The following ERO1A variants were observed in gnomAD, a reference collection of about 807,000 sequenced individuals.
ERO1A encodes ERO1-like protein alpha.
A neutral mutation model predicts 76.9 loss-of-function variants in ERO1A; 49 were observed. That is an observed-to-expected ratio of 0.64 (90% confidence interval 0.51 to 0.81). The LOEUF (loss-of-function observed/expected upper bound fraction) is 0.81, where lower values mean the gene tolerates loss of function less well. ERO1A is among the 30% of genes least tolerant of loss of function. ERO1A has a pLI of 0.00. For synonymous variants in ERO1A, 174 were observed against 181.2 expected (o/e 0.96, Z 0.32); for missense variants, 448 against 542.1 (o/e 0.83, Z 1.72).
In ERO1A at chr14:52,653,099, A is replaced by C; in HGVS notation, c.1025T>G (p.Met342Arg). The change falls in exon 12 of 16, where the codon ATG becomes AGG. Residue 342 changes from methionine (M) to arginine (R), a missense_variant. Physicochemically the swap from Met to Arg is moderately conservative, Grantham distance 91. Transcript: ENST00000395686. ...GNKIQDEENK[M>R]LLLEILHEIK... is the part of the protein sequence containing the mutation. ...TTCATGAAGTATTTCCAGAAGTAAC[A>C]TTTTGTTTTCCTCATCCTGAATTTT... 1 of 1,560,712 alleles carries C rather than the reference A, an allele frequency of 6.4e-7. No individual in the cohort carries two copies. Among genetic ancestry groups the C allele is most frequent in the South Asian group, 1.1e-5 (1 of 89,830 alleles).
Position 52,642,461 on chromosome 14 carries a change from G to A in ERO1A, c.*1109C>T, listed in dbSNP as rs2039508108. Reference sequence around the variant, plus strand: ...AAAACTCAAAAAGAACTTTAGATTGGAACTTGAAAGTATTATTTATTCTAA... The same window carrying A: ...AAAACTCAAAAAGAACTTTAGATTGAAACTTGAAAGTATTATTTATTCTAA... On this transcript the variant is annotated 3_prime_UTR_variant, in exon 16 of 16. Transcript: ENST00000395686. 6.6e-6 allele frequency: 1 copy of A among 152,034 alleles called. No individual in the cohort carries two copies. The highest frequency in any genetic ancestry group is 2.4e-5 in the African/African-American group (1 of 41,396). 9.4% of individuals were successfully genotyped at this position (152,034 alleles called of 1,614,324 possible). A position where few individuals can be genotyped will look rare whatever the true frequency, so the allele number is the denominator to read the frequency against.
chr14:52,669,628 G>C (rs2040530758), intron 6 of ERO1A, among the ~76,000 whole-genome samples: 1 of 152,112 alleles, frequency 6.6e-6, no homozygotes, highest in Non-Finnish European at 1.5e-5. Context: ...ACCTGGGGGA[G>C]CAATCTTTAT....
Position 52,646,261 on chromosome 14 carries a change from C to A in ERO1A, c.1239G>T (p.Lys413Asn), listed in dbSNP as rs1343785173. Reference sequence around the variant, plus strand: ...CTATCAATTTCTCAGAAAATAAGATCTTCAGAGCAGTGCCCAAACCCTGAG... The same window carrying A: ...CTATCAATTTCTCAGAAAATAAGATATTCAGAGCAGTGCCCAAACCCTGAG... ...LQTQGLGTAL[K>N]ILFSEKLIAN... Residue 413 changes from lysine to asparagine, a missense_variant, in exon 15 of 16, where the codon AAG (lysine) becomes AAT (asparagine). This residue lies in a region of ERO1A where 302 missense variants were observed against 411.9 expected (regional missense o/e 0.73). Coordinates refer to ENST00000395686, the MANE Select transcript of ERO1A (RefSeq NM_014584.3). The A allele has an allele frequency of 1.2e-6, 2 of 1,613,386 alleles. No individual in the cohort carries two copies. Among genetic ancestry groups the A allele is most frequent in the Admixed American group, 1.7e-5 (1 of 59,872 alleles).
intron 6 of ERO1A, among the ~76,000 whole-genome samples, chr14:52,667,248 A>G (rs1006226075): frequency 1.3e-5 from 2 of 152,186 alleles, no homozygotes; most frequent in East Asian, 3.9e-4. Context: ...AAAAGTTACA[A>G]TGCAGCATGA....
chr14:52,668,787 A>C (rs956667865), intron 6 of ERO1A, among the ~76,000 whole-genome samples: 2 of 148,376 alleles, frequency 1.3e-5, no homozygotes, highest in African/African-American at 4.9e-5. Flanking sequence ...TATAATTATA[A>C]TTATAATTAT....
intron 12 of ERO1A, 66 bp downstream of exon 12, chr14:52,653,003 A>G (rs1054612582): frequency 7.9e-7 from 1 of 1,265,836 alleles, no homozygotes; most frequent in Non-Finnish European, 1.1e-6. Context: ...TCAAAAAAAA[A>G]AAAATTTATC....
At chr14:52,682,291 T>C in intron 3 of ERO1A, 34 bp downstream of exon 3, 1 of 1,429,614 alleles carries the variant, frequency 7.0e-7, no homozygotes, top group Non-Finnish European at 9.6e-7. Flanking sequence ...TGAAAAAACA[T>C]GTAACAGTTT....
At chr14:52,680,464 T>A (rs1208892049) in intron 3 of ERO1A, among the ~76,000 whole-genome samples, 1 of 152,174 alleles carries the variant, frequency 6.6e-6, no homozygotes, top group Non-Finnish European at 1.5e-5. Context: ...TAATCAGAAA[T>A]AATTGGTATC....
chr14:52,664,715 G>T (rs185145847), intron 7 of ERO1A, among the ~76,000 whole-genome samples: 240 of 150,162 alleles, frequency 1.6e-3, no homozygotes, highest in Non-Finnish European at 2.9e-3. Context: ...TTTTTGAGAC[G>T]GAGTCTCACT....
chr14:52,657,891 A>G (rs779219398), intron 11 of ERO1A, 26 bp downstream of exon 11: 1 of 1,489,276 alleles, frequency 6.7e-7, no homozygotes, highest in South Asian at 1.2e-5. Context: ...AGAGTGGTAG[A>G]CTGAATAAAA....
rs1270236433 is a variant in ERO1A at position 52,641,825 on chromosome 14, CAA to C, written c.*1743_*1744del. ...AAGGAAGTGACAGAGAAAAATAGGACAAATTATTAAACTTACTTCTGTGATTA... is the reference window on the plus strand; with the variant it reads ...AAGGAAGTGACAGAGAAAAATAGGACATTATTAAACTTACTTCTGTGATTA... On this transcript the variant is annotated 3_prime_UTR_variant, in exon 16 of 16. Coordinates refer to ENST00000395686, the MANE Select transcript of ERO1A (RefSeq NM_014584.3). 6.6e-6 allele frequency: 1 copy of C among 152,102 alleles called. No individual in the cohort carries two copies. The highest frequency in any genetic ancestry group is 1.5e-5 in the Non-Finnish European group (1 of 68,016). 9.4% of individuals were successfully genotyped at this position (152,102 alleles called of 1,614,324 possible).
chr14:52,684,833 A>G (rs866772672), intron 1 of ERO1A, among the ~76,000 whole-genome samples: 1 of 151,960 alleles, frequency 6.6e-6, no homozygotes, highest in Non-Finnish European at 1.5e-5. Context: ...GTTACTTGCC[A>G]AATTAAACTA....
At chr14:52,645,302 C>CT (rs35036293) in intron 15 of ERO1A, among the ~76,000 whole-genome samples, 4,326 of 130,352 alleles carry the variant, frequency 0.033, 274 homozygotes, top group African/African-American at 0.11. Flanking sequence ...CATATACACA[C>CT]TTTTTTTTTT....
intron 1 of ERO1A, among the ~76,000 whole-genome samples, chr14:52,690,665 C>T (rs2041325190): frequency 6.6e-6 from 1 of 152,078 alleles, no homozygotes; most frequent in Non-Finnish European, 1.5e-5. Flanking sequence ...CACGCCACTG[C>T]ACTCCAGCCT....
intron 8 of ERO1A, among the ~76,000 whole-genome samples, chr14:52,661,549 T>C (rs1466652877): frequency 6.6e-6 from 1 of 152,166 alleles, no homozygotes; most frequent in Non-Finnish European, 1.5e-5. Context: ...TCAGCTCATG[T>C]GAGATTTAAT....
chr14:52,659,845 A>G (rs1023198558), intron 9 of ERO1A, among the ~76,000 whole-genome samples: 12 of 151,128 alleles, frequency 7.9e-5, no homozygotes, highest in African/African-American at 2.7e-4. Flanking sequence ...AAAAAAAAAA[A>G]AAAGAAAAAA....
chr14:52,662,011 G>A (rs2040249502), intron 8 of ERO1A, among the ~76,000 whole-genome samples: 2 of 151,690 alleles, frequency 1.3e-5, no homozygotes, highest in South Asian at 4.2e-4. Flanking sequence ...TTAGTTTATA[G>A]ATATATTATA....
At chr14:52,683,190 C>G (rs1443356276) in intron 2 of ERO1A, among the ~76,000 whole-genome samples, 4 of 151,514 alleles carry the variant, frequency 2.6e-5, no homozygotes, top group Non-Finnish European at 5.9e-5. Context: ...GCCTGGGTGA[C>G]AAAGCAAGAT....
At chr14:52,695,257 T>G in intron 1 of ERO1A, 111 bp downstream of exon 1, 2 of 665,512 alleles carry the variant, frequency 3.0e-6, no homozygotes. Flanking sequence ...TCATTCCCGG[T>G]GGGAAGAGAT....
Sources: gnomAD v4.1 joint callset for allele counts (sites outside exome capture counted in the v4.1 genomes callset) on GRCh38, gnomAD v4.1.1 for gene constraint, gnomAD v4.1.1 regional missense constraint, MANE v1.5 for transcripts, NCBI Gene and HGNC (gene_info 2026-07-23, HGNC 2026-07-21) for gene names.